The following GLDN variants were observed in gnomAD, a reference collection of about 807,000 sequenced individuals.
The protein encoded by GLDN is gliomedin.
Under a neutral mutation model 56.5 loss-of-function variants are expected in GLDN, and 47 were observed. The observed-to-expected ratio is 0.83, with a 90% CI of 0.66 to 1.06. GLDN has a LOEUF of 1.06. GLDN is among the 50% of genes least tolerant of loss of function. The probability of loss-of-function intolerance (pLI) is 0.00; values close to 1 mark genes in which losing one functional copy is unlikely to be tolerated. For synonymous variants in GLDN, 332 were observed against 278.8 expected (o/e 1.19, Z -1.90); for missense variants, 782 against 714.3 (o/e 1.09, Z -1.08).
intron 1 of GLDN, among the ~76,000 whole-genome samples, chr15:51,376,861 A>G (rs1309397512): frequency 6.6e-6 from 1 of 152,178 alleles, no homozygotes; most frequent in Non-Finnish European, 1.5e-5. Flanking sequence ...CTCCAGGGGC[A>G]ATAACATGCA....
downstream of GLDN, among the ~76,000 whole-genome samples, chr15:51,410,037 G>C (rs1044643562): frequency 6.6e-6 from 1 of 152,150 alleles, no homozygotes; most frequent in African/African-American, 2.4e-5. Flanking sequence ...AGCACTACTT[G>C]TTACTCTCAA....
chr15:51,403,571 CA>C (rs749461960), intron 9 of GLDN, among the ~76,000 whole-genome samples: 1 of 152,156 alleles, frequency 6.6e-6, no homozygotes, highest in Non-Finnish European at 1.5e-5. Flanking sequence ...TGGAATCTGT[CA>C]AATCATACAG....
intron 1 of GLDN, among the ~76,000 whole-genome samples, chr15:51,363,429 C>T (rs1051880807): frequency 1.3e-5 from 2 of 152,116 alleles, no homozygotes; most frequent in African/African-American, 4.8e-5. Flanking sequence ...AACATCGGTA[C>T]TTCTAAATCA....
intron 1 of GLDN, among the ~76,000 whole-genome samples, chr15:51,357,039 T>C (rs2037199585): frequency 6.6e-6 from 1 of 152,210 alleles, no homozygotes; most frequent in African/African-American, 2.4e-5. Context: ...TTTTGATAGT[T>C]AATGGGGACT....
At chr15:51,409,582 AT>A (rs377507823), downstream of GLDN, among the ~76,000 whole-genome samples, 57 of 152,334 alleles carry the variant, frequency 3.7e-4, 1 homozygote, top group East Asian at 0.011. Flanking sequence ...CTAAAATCAG[AT>A]TCTTGTGTCT....
intron 4 of GLDN, 132 bp from the exon 5 acceptor site, chr15:51,394,703 A>C (rs2038087438): frequency 1.2e-6 from 1 of 806,558 alleles, no homozygotes; most frequent in African/African-American, 1.8e-5. Flanking sequence ...TGCTGCTCTA[A>C]AATGGTTATG....
chr15:51,379,323 G>C (rs1240529678), intron 2 of GLDN, among the ~76,000 whole-genome samples: 1 of 152,170 alleles, frequency 6.6e-6, no homozygotes, highest in African/African-American at 2.4e-5. Flanking sequence ...CCATGTTATT[G>C]GGTTATTCTT....
At position 51,404,667 on chromosome 15, in the gene GLDN, C is replaced by T. The variant is rs1462385303; in HGVS notation, c.1569C>T (p.Asn523=). ...SQSVLAMLAY[N]MRDQHLYSWE... Reference sequence around the variant, plus strand: ...CTGTTCTTGCCATGTTAGCATACAACATGAGAGATCAGCATTTATATTCAT... The same window carrying T: ...CTGTTCTTGCCATGTTAGCATACAATATGAGAGATCAGCATTTATATTCAT... The change falls in exon 10 of 10, where the codon AAC becomes AAT. Residue 523 remains asparagine (N), a synonymous_variant. Coordinates refer to ENST00000335449, the MANE Select transcript of GLDN (RefSeq NM_181789.4). 1.4e-5 allele frequency: 22 copies of T among 1,613,172 alleles called. No individual in the cohort carries two copies. The East Asian group carries it at 4.5e-4, about 33-fold the overall frequency.
At chr15:51,376,586 T>A (rs2037635200) in intron 1 of GLDN, among the ~76,000 whole-genome samples, 1 of 152,236 alleles carries the variant, frequency 6.6e-6, no homozygotes, top group South Asian at 2.1e-4. Context: ...TGTGACATGT[T>A]TACTTTATAA....
rs116502011 is a variant in GLDN at position 51,354,243 on chromosome 15, A to T, written c.363+12196A>T. On this transcript the variant is annotated intron_variant, in intron 1 of 9. Transcript: ENST00000335449. Reference sequence around the variant, plus strand: ...CTATATAAAAACTGTGAAGTACTTTATAATGAGTTGTGAATAAGTGTACTC... The same window carrying T: ...CTATATAAAAACTGTGAAGTACTTTTTAATGAGTTGTGAATAAGTGTACTC... Among the ~76,000 whole-genome samples the T allele has an allele frequency of 2.3e-3, 343 of 152,366 alleles. 5 individuals are homozygous for T. The highest frequency in any genetic ancestry group is 8.1e-3 in the African/African-American group (335 of 41,590).
At chr15:51,355,738 T>C (rs1222797968) in intron 1 of GLDN, among the ~76,000 whole-genome samples, 1 of 149,654 alleles carries the variant, frequency 6.7e-6, no homozygotes, top group African/African-American at 2.4e-5. Flanking sequence ...TTAGCCGGGA[T>C]GGTCTTGATC....
At chr15:51,344,023 G>A (rs558438034) in intron 1 of GLDN, among the ~76,000 whole-genome samples, 3 of 152,258 alleles carry the variant, frequency 2.0e-5, no homozygotes, top group Admixed American at 6.5e-5. Context: ...AATATCTTGG[G>A]GATCTTGTTA....
chr15:51,392,425 C>T (rs953418675), intron 4 of GLDN, among the ~76,000 whole-genome samples: 1 of 152,230 alleles, frequency 6.6e-6, no homozygotes, highest in Admixed American at 6.5e-5. Context: ...TCTCCCATCA[C>T]CCCCAGATGG....
In GLDN at chr15:51,400,289, G is replaced by A. The variant is rs762051408; in HGVS notation, c.901+14G>A. 1 of 1,614,154 alleles carries A rather than the reference G, an allele frequency of 6.2e-7. No individual in the cohort carries two copies. Among genetic ancestry groups the A allele is most frequent in the Non-Finnish European group, 8.5e-7 (1 of 1,179,968 alleles). Reference sequence around the variant, plus strand: ...CCCCACAAGCAGGTATAGAAACAAAGCGTCCTGTCTTGAAATTCAGAAATT... The same window carrying A: ...CCCCACAAGCAGGTATAGAAACAAAACGTCCTGTCTTGAAATTCAGAAATT... On this transcript the variant is annotated intron_variant, in intron 7 of 9. Coordinates refer to ENST00000335449, the MANE Select transcript of GLDN (RefSeq NM_181789.4).
intron 4 of GLDN, among the ~76,000 whole-genome samples, chr15:51,391,947 G>T (rs1566948904): frequency 6.6e-6 from 1 of 151,528 alleles, no homozygotes; most frequent in East Asian, 1.9e-4. Context: ...TTTCACTAAG[G>T]TTTTTTTTTA....
At position 51,404,330 on chromosome 15, in the gene GLDN, A is replaced by G. The variant is rs890500345; in HGVS notation, c.1232A>G (p.Tyr411Cys). 3.0e-5 allele frequency: 48 copies of G among 1,612,394 alleles called. No homozygotes were observed. The highest frequency in any genetic ancestry group is 3.9e-5 in the Non-Finnish European group (46 of 1,179,532). The change falls in exon 10 of 10, where the codon TAT becomes TGT. Residue 411 changes from tyrosine (Y) to cysteine (C), a missense_variant. Transcript: ENST00000335449. The part of the protein sequence containing the change: ...SQTLKLENAL[Y>C]FDRKYLFANS... ...ACTCTGAAGCTTGAAAATGCCTTGT[A>G]TTTTGATCGAAAATACCTTTTTGCA...
Position 51,407,638 on chromosome 15 carries a change from T to C in GLDN, c.*2884T>C, listed in dbSNP as rs2038412764. The C allele has an allele frequency of 1.3e-5, 2 of 152,256 alleles. No homozygotes were observed. The highest frequency in any genetic ancestry group is 2.1e-4 in the South Asian group (1 of 4,832). 9.4% of individuals were successfully genotyped at this position (152,256 alleles called of 1,614,324 possible). A position where few individuals can be genotyped will look rare whatever the true frequency, so the allele number is the denominator to read the frequency against. ...GGTGGTTCTGGTCTCCAAGTATCGT[T>C]AAGCACAGGTGCTATGACAGAAAAA... On this transcript the variant is annotated 3_prime_UTR_variant, in exon 10 of 10. Coordinates refer to ENST00000335449, the MANE Select transcript of GLDN (RefSeq NM_181789.4).
intron 1 of GLDN, among the ~76,000 whole-genome samples, chr15:51,374,609 ATTGGGGGTGAGGGGACATCCAGAAG>A (rs2037590000): frequency 6.6e-6 from 1 of 152,076 alleles, no homozygotes; most frequent in South Asian, 2.1e-4. Flanking sequence ...TCAGAGAGCT[ATTGGGGGTGAGGGGACATCCAGAAG>A]TCTTCCAAGG....
At chr15:51,368,696 A>G (rs1397064352) in intron 1 of GLDN, among the ~76,000 whole-genome samples, 1 of 152,128 alleles carries the variant, frequency 6.6e-6, no homozygotes, top group Non-Finnish European at 1.5e-5. Flanking sequence ...TCTCAAATTT[A>G]CAGCAGTTAC....
Sources: allele counts gnomAD v4.1 joint callset (sites outside exome capture counted in the v4.1 genomes callset), GRCh38; gene constraint gnomAD v4.1.1; transcripts MANE v1.5; gene names NCBI Gene and HGNC (gene_info 2026-07-23, HGNC 2026-07-21).